DR1: variants seen among roughly 807,000 people sequenced by gnomAD.
DR1 encodes protein Dr1.
A neutral mutation model predicts 19.9 loss-of-function variants in DR1; 7 were observed. The ratio of observed to expected loss-of-function variants is 0.35; its 90% CI spans 0.20 to 0.66. The LOEUF (loss-of-function observed/expected upper bound fraction) is 0.66. Ranked by LOEUF, DR1 falls within the 30% of genes least tolerant of loss-of-function variation. The pLI is 0.66. For synonymous variants in DR1, 76 were observed against 72.5 expected (o/e 1.05, Z -0.24); for missense variants, 98 against 203.7 (o/e 0.48, Z 3.16).
chr1:93,345,937 A>G lies in DR1; in HGVS notation c.-709A>G. On this transcript the variant is annotated 5_prime_UTR_variant, in exon 1 of 3. Transcript: ENST00000370272. The stretch of plus-strand genomic sequence containing the variant: ...GGGTGTCGGGAGCGGCTTCCTGCAA[A>G]CCTTCCCTGGCATCTGGAGGGACCA... The G allele has an allele frequency of 6.6e-6, 1 of 152,638 alleles. No homozygotes were observed. The highest frequency in any genetic ancestry group is 2.0e-4 in the South Asian group (1 of 5,042). The allele number at this position is 152,638 out of a possible 1,614,324, so 9.5% of individuals were successfully genotyped here. A position where few individuals can be genotyped will look rare whatever the true frequency, so the allele number is the denominator to read the frequency against.
At chr1:93,347,728 G>C (rs949684469) in intron 1 of DR1, among the ~76,000 whole-genome samples, 4 of 152,056 alleles carry the variant, frequency 2.6e-5, no homozygotes, top group Admixed American at 2.6e-4. Flanking sequence ...CCCGTAATAG[G>C]GATTTGGGGG....
At chr1:93,349,134 TC>T (rs1282371134) in intron 1 of DR1, among the ~76,000 whole-genome samples, 1 of 152,132 alleles carries the variant, frequency 6.6e-6, no homozygotes, top group Non-Finnish European at 1.5e-5. Context: ...TCAGGACATT[TC>T]ACTTGTTCAT....
intron 1 of DR1, among the ~76,000 whole-genome samples, chr1:93,350,232 A>G (rs953034586): frequency 6.6e-6 from 1 of 152,222 alleles, no homozygotes; most frequent in African/African-American, 2.4e-5. Context: ...ATATTAAGAT[A>G]AATGATACTC....
intron 1 of DR1, among the ~76,000 whole-genome samples, chr1:93,353,704 C>A (rs1199642579): frequency 6.6e-6 from 1 of 152,116 alleles, no homozygotes; most frequent in East Asian, 1.9e-4. Flanking sequence ...AACTGATTTG[C>A]CACCTAATAT....
chr1:93,347,823 T>C (rs1206868126), intron 1 of DR1, among the ~76,000 whole-genome samples: 1 of 152,190 alleles, frequency 6.6e-6, no homozygotes, highest in Non-Finnish European at 1.5e-5. Context: ...TATTTTTACA[T>C]GTACTCTTGT....
In DR1 at chr1:93,354,181, T is replaced by C. The variant is rs377669412; in HGVS notation, c.384+110T>C. The C allele has an allele frequency of 3.7e-6, 4 of 1,085,532 alleles. No individual in the cohort carries two copies. In the African/African-American group the frequency reaches 6.4e-5, roughly 17 times the overall value. The allele number at this position is 1,085,532 out of a possible 1,614,324, so 67.2% of individuals were successfully genotyped here. A position where few individuals can be genotyped will look rare whatever the true frequency, so the allele number is the denominator to read the frequency against. On this transcript the variant is annotated intron_variant, in intron 2 of 2. Transcript: ENST00000370272. ...AGAGGATTCCCTTTTTCTAGGTAGTTGATTATAGATTCTGGTGTTCAGAGC... is the reference window on the plus strand; with the variant it reads ...AGAGGATTCCCTTTTTCTAGGTAGTCGATTATAGATTCTGGTGTTCAGAGC...
At position 93,369,281 on chromosome 1, in the gene DR1, C is replaced by G. The variant is rs1171003269; in HGVS notation, c.*8642C>G. On this transcript the variant is annotated 3_prime_UTR_variant, in exon 3 of 3. Transcript: ENST00000370272. ...TGGAACAAATACTAAAATAAATGACCTTTATTTGAAGATCTTTTAAAAAAA... is the reference window on the plus strand; with the variant it reads ...TGGAACAAATACTAAAATAAATGACGTTTATTTGAAGATCTTTTAAAAAAA... 6.6e-6 allele frequency: 1 copy of G among 152,016 alleles called. No individual in the cohort carries two copies. The highest frequency in any genetic ancestry group is 1.9e-4 in the East Asian group (1 of 5,198). The allele number at this position is 152,016 out of a possible 1,614,324, so 9.4% of individuals were successfully genotyped here.
intron 1 of DR1, among the ~76,000 whole-genome samples, chr1:93,347,360 A>G (rs1053804049): frequency 7.9e-5 from 12 of 152,366 alleles, no homozygotes; most frequent in African/African-American, 2.6e-4. Flanking sequence ...AATGTGTTCA[A>G]CGTTGTCAAG....
rs770693085 is a variant in DR1 at position 93,369,225 on chromosome 1, A to C, written c.*8586A>C. On this transcript the variant is annotated 3_prime_UTR_variant, in exon 3 of 3. Coordinates refer to ENST00000370272, the MANE Select transcript of DR1 (RefSeq NM_001938.3). ...TGAAAACTATTTTTCTTCCACTAGA[A>C]CTTTTTTCCCCAAAAATACTCTGGA... The C allele has an allele frequency of 1.3e-5, 2 of 152,096 alleles. No individual in the cohort carries two copies. Among genetic ancestry groups the C allele is most frequent in the Non-Finnish European group, 2.9e-5 (2 of 67,992 alleles). The allele number at this position is 152,096 out of a possible 1,614,324, so 9.4% of individuals were successfully genotyped here. A position where few individuals can be genotyped will look rare whatever the true frequency, so the allele number is the denominator to read the frequency against.
At chr1:93,346,906 G>A in intron 1 of DR1, 41 bp downstream of exon 1, 3 of 1,522,396 alleles carry the variant, frequency 2.0e-6, no homozygotes, top group Non-Finnish European at 2.7e-6. Context: ...AGGTTCTAGG[G>A]TAGCAGTCTG....
At chr1:93,347,510 G>A (rs983366694) in intron 1 of DR1, among the ~76,000 whole-genome samples, 5 of 151,786 alleles carry the variant, frequency 3.3e-5, no homozygotes, top group Non-Finnish European at 7.4e-5. Context: ...TTTTCTTTTC[G>A]TTTGCTTTTA....
At chr1:93,347,612 C>T (rs12090592) in intron 1 of DR1, among the ~76,000 whole-genome samples, 3 of 151,874 alleles carry the variant, frequency 2.0e-5, no homozygotes, top group East Asian at 3.9e-4. Flanking sequence ...AAAATTTCCC[C>T]GTCCTTTCCT....
At position 93,363,007 on chromosome 1, in the gene DR1, GCAGATTAT is replaced by G. The variant is rs1216430151; in HGVS notation, c.*2376_*2383del. The stretch of plus-strand genomic sequence containing the variant: ...AATATATGTTATATATTCTTTTTCG[GCAGATTAT>G]CAGATTAGTAAGTGTTTAAAAGGCA... On this transcript the variant is annotated 3_prime_UTR_variant, in exon 3 of 3. Coordinates refer to ENST00000370272, the MANE Select transcript of DR1 (RefSeq NM_001938.3). 3.3e-5 allele frequency: 5 copies of G among 150,992 alleles called. No homozygotes were observed. The highest frequency in any genetic ancestry group is 1.2e-4 in the African/African-American group (5 of 41,120). The allele number at this position is 150,992 out of a possible 1,614,324, so 9.4% of individuals were successfully genotyped here.
intron 2 of DR1, among the ~76,000 whole-genome samples, chr1:93,355,984 C>T (rs1043530048): frequency 1.3e-5 from 2 of 152,116 alleles, no homozygotes; most frequent in Non-Finnish European, 2.9e-5. Context: ...TTAAAGTTAA[C>T]TTTAAATTAT....
At chr1:93,354,178 A>G (rs1666949678) in intron 2 of DR1, 107 bp downstream of exon 2, 4 of 1,100,284 alleles carry the variant, frequency 3.6e-6, no homozygotes, top group East Asian at 2.6e-5. Flanking sequence ...TTTTCTAGGT[A>G]GTTGATTATA....
chr1:93,360,465 TA>T, intron 2 of DR1, 27 bp from the exon 3 acceptor site: 1 of 1,534,440 alleles, frequency 6.5e-7, no homozygotes, highest in Non-Finnish European at 8.7e-7. Context: ...AAAAAATTGT[TA>T]TTTTTTTTTA....
At chr1:93,357,899 A>C (rs912148690) in intron 2 of DR1, among the ~76,000 whole-genome samples, 1 of 152,208 alleles carries the variant, frequency 6.6e-6, no homozygotes, top group African/African-American at 2.4e-5. Flanking sequence ...ATAGATATAA[A>C]AAAAAATGAA....
At chr1:93,347,525 G>A (rs1434908040) in intron 1 of DR1, among the ~76,000 whole-genome samples, 1 of 151,812 alleles carries the variant, frequency 6.6e-6, no homozygotes, top group Non-Finnish European at 1.5e-5. Flanking sequence ...CTTTTATGTC[G>A]TTTGCTTTGT....
chr1:93,346,665 A>G lies in DR1; in HGVS notation c.20A>G (p.Asn7Ser). The change falls in exon 1 of 3, where the codon AAC becomes AGC. Residue 7 changes from asparagine (N) to serine (S), a missense_variant. Coordinates refer to ENST00000370272, the MANE Select transcript of DR1 (RefSeq NM_001938.3). ...GGTACTATGGCTTCCTCGTCTGGCA[A>G]CGATGATGATCTCACTATCCCCAGA... is the stretch of plus-strand genomic sequence containing the variant. MASSSGNDDDLTIPRAA... is the reference protein window; with the variant it reads MASSSGSDDDLTIPRAA... 1 of 1,614,020 alleles carries G rather than the reference A, an allele frequency of 6.2e-7. No homozygotes were observed. Among genetic ancestry groups the G allele is most frequent in the Non-Finnish European group, 8.5e-7 (1 of 1,179,996 alleles).
Sources: gnomAD v4.1 joint callset for allele counts (sites outside exome capture counted in the v4.1 genomes callset) on GRCh38, gnomAD v4.1.1 for gene constraint, MANE v1.5 for transcripts, NCBI Gene and HGNC (gene_info 2026-07-23, HGNC 2026-07-21) for gene names.